The following COL24A1 variants were observed in gnomAD, a reference collection of about 807,000 sequenced individuals.
COL24A1 encodes collagen alpha-1(XXIV) chain.
Under a neutral mutation model 253.9 loss-of-function variants are expected in COL24A1, and 224 were observed. That is an observed-to-expected ratio of 0.88 (90% CI 0.79 to 0.99). The LOEUF is 0.99. Among genes scored for constraint, COL24A1 ranks in the 50% least tolerant of loss-of-function variants. The pLI is 0.00. For missense variants in COL24A1, 2,131 were observed against 2,068.5 expected (o/e 1.03, Z -0.59); for synonymous variants, 685 against 673.7 (o/e 1.02, Z -0.26).
In COL24A1 at chr1:86,149,668, T is replaced by C. The variant is rs972011861; in HGVS notation, c.57-3485A>G. Among the ~76,000 whole-genome samples the C allele has an allele frequency of 1.4e-4, 21 of 152,168 alleles. 1 individual carries two copies. The highest frequency in any genetic ancestry group is 1.2e-3 in the Admixed American group (19 of 15,268). ...CAAGTACAACAGCCAGCACTACTCA[T>C]TTAGCAATTCAACAAACTCATAAAC... On this transcript the variant is annotated intron_variant, in intron 1 of 59. Transcript: ENST00000370571.
chr1:85,941,094 C>CA (rs1234894514), intron 24 of COL24A1, among the ~76,000 whole-genome samples: 1 of 152,118 alleles, frequency 6.6e-6, no homozygotes, highest in Non-Finnish European at 1.5e-5. Context: ...ACTTGTATTG[C>CA]AAAACATCTG....
chr1:86,059,413 A>G (rs1700908690), intron 8 of COL24A1, among the ~76,000 whole-genome samples: 1 of 152,170 alleles, frequency 6.6e-6, no homozygotes, highest in African/African-American at 2.4e-5. Context: ...TAAATCTAGG[A>G]TGGAAAAATC....
intron 18 of COL24A1, 66 bp downstream of exon 18, chr1:86,022,174 G>A (rs1697599809): frequency 7.3e-7 from 1 of 1,372,284 alleles, no homozygotes; most frequent in Admixed American, 1.7e-5. Flanking sequence ...GATCAACAGT[G>A]TCGAGACTCA....
intron 57 of COL24A1, among the ~76,000 whole-genome samples, chr1:85,743,993 C>T (rs990068370): frequency 6.6e-6 from 1 of 151,982 alleles, no homozygotes; most frequent in Non-Finnish European, 1.5e-5. Context: ...TTCAAATCAG[C>T]ATTTTTCACA....
rs1410579461 is a variant in COL24A1 at position 85,968,395 on chromosome 1, C to A, written c.2463+1832G>T. On this transcript the variant is annotated intron_variant, in intron 22 of 59. Coordinates refer to ENST00000370571, the MANE Select transcript of COL24A1 (RefSeq NM_152890.7). ...AAAGTGAAACAGAACAACTCTCTGGCTCCCATTCTGTTTTTACTACACATA... is the reference window on the plus strand; with the variant it reads ...AAAGTGAAACAGAACAACTCTCTGGATCCCATTCTGTTTTTACTACACATA... Among the ~76,000 whole-genome samples the A allele has an allele frequency of 3.3e-5, 5 of 152,268 alleles. No homozygotes were observed. In the East Asian group the frequency reaches 9.6e-4, roughly 29 times the overall value.
At chr1:85,978,309 AAC>A (rs1018447043) in intron 20 of COL24A1, among the ~76,000 whole-genome samples, 3 of 151,954 alleles carry the variant, frequency 2.0e-5, no homozygotes, top group Non-Finnish European at 4.4e-5. Context: ...ATAAAACAAC[AAC>A]ACACACACAC....
At chr1:85,823,395 C>T in intron 45 of COL24A1, 141 bp downstream of exon 45, 2 of 698,948 alleles carry the variant, frequency 2.9e-6, no homozygotes, top group East Asian at 2.8e-5. Context: ...TGAAAAACAC[C>T]CTACTTAGAG....
At chr1:86,009,666 TGA>T (rs762434319) in intron 19 of COL24A1, among the ~76,000 whole-genome samples, 2 of 152,174 alleles carry the variant, frequency 1.3e-5, no homozygotes, top group Non-Finnish European at 2.9e-5. Context: ...GAAGTTGCTC[TGA>T]GTGAGTTAGT....
intron 22 of COL24A1, among the ~76,000 whole-genome samples, chr1:85,967,196 T>C (rs1691653795): frequency 6.6e-6 from 1 of 152,182 alleles, no homozygotes; most frequent in Non-Finnish European, 1.5e-5. Flanking sequence ...TAAGTTCTCT[T>C]CTGGTTACTT....
At chr1:85,809,405 A>G (rs774195692) in intron 47 of COL24A1, among the ~76,000 whole-genome samples, 56 of 152,174 alleles carry the variant, frequency 3.7e-4, no homozygotes, top group Admixed American at 2.0e-3. Flanking sequence ...AATTCTTCCC[A>G]AAGTTAGCTT....
chr1:86,000,170 C>T (rs1033258230), intron 19 of COL24A1, among the ~76,000 whole-genome samples: 1 of 152,032 alleles, frequency 6.6e-6, no homozygotes, highest in African/African-American at 2.4e-5. Flanking sequence ...TTCTGTAAAC[C>T]CTTCCATCTT....
At chr1:86,109,244 C>T (rs1043507117) in intron 5 of COL24A1, among the ~76,000 whole-genome samples, 1 of 152,176 alleles carries the variant, frequency 6.6e-6, no homozygotes, top group Non-Finnish European at 1.5e-5. Context: ...TATTACTTAT[C>T]CAGACTTGAT....
intron 24 of COL24A1, among the ~76,000 whole-genome samples, chr1:85,947,441 C>G (rs964209393): frequency 1.3e-5 from 2 of 152,164 alleles, no homozygotes; most frequent in Admixed American, 6.5e-5. Context: ...TTATTCGGAA[C>G]ATGCATATTC....
intron 2 of COL24A1, among the ~76,000 whole-genome samples, chr1:86,137,188 A>G (rs932735531): frequency 6.6e-6 from 1 of 152,172 alleles, no homozygotes; most frequent in African/African-American, 2.4e-5. Flanking sequence ...GAGTGGCCCT[A>G]TATAAAAAAT....
rs541562395 is a variant in COL24A1, at chr1:85,747,155, A to G, written c.4438-1649T>C. Among the ~76,000 whole-genome samples, 7 of 138,052 alleles carry G rather than the reference A, an allele frequency of 5.1e-5. No homozygotes were observed. In the South Asian group the frequency reaches 1.6e-3, roughly 31 times the overall value. The allele number at this position is 138,052 out of a possible 152,430, so 90.6% of individuals were successfully genotyped here. On this transcript the variant is annotated intron_variant, in intron 55 of 59. Coordinates refer to ENST00000370571, the MANE Select transcript of COL24A1 (RefSeq NM_152890.7). ...GAGATGGAGTCTCGCTCTGTCACCC[A>G]GGCTGAAGTGCAGTGGTGCGATCTC... is the stretch of plus-strand genomic sequence containing the variant.
chr1:85,947,523 T>C (rs1689446242), intron 24 of COL24A1, among the ~76,000 whole-genome samples: 2 of 152,232 alleles, frequency 1.3e-5, no homozygotes, highest in African/African-American at 4.8e-5. Context: ...TATTTTCATG[T>C]TGGACTTCTC....
chr1:85,874,135 A>G (rs913073507), intron 35 of COL24A1, among the ~76,000 whole-genome samples: 2 of 151,892 alleles, frequency 1.3e-5, no homozygotes, highest in East Asian at 1.9e-4. Context: ...TTAGGAAAAA[A>G]CTCCTTACCA....
At chr1:85,864,083 A>G (rs1353079873) in intron 37 of COL24A1, among the ~76,000 whole-genome samples, 1 of 152,192 alleles carries the variant, frequency 6.6e-6, no homozygotes, top group African/African-American at 2.4e-5. Context: ...TCAAGCTGCT[A>G]TAAAAACACA....
intron 59 of COL24A1, among the ~76,000 whole-genome samples, chr1:85,731,166 C>T (rs1452894121): frequency 6.6e-6 from 1 of 152,152 alleles, no homozygotes; most frequent in Admixed American, 6.5e-5. Context: ...TATGTGCAAT[C>T]ATCTTTTAGG....
Sources: allele counts gnomAD v4.1 joint callset (sites outside exome capture counted in the v4.1 genomes callset), GRCh38; gene constraint gnomAD v4.1.1; transcripts MANE v1.5; gene names NCBI Gene and HGNC (gene_info 2026-07-23, HGNC 2026-07-21).